MAPK10: variants seen among roughly 807,000 people sequenced by gnomAD.
MAPK10 encodes JNK3 alpha protein kinase.
In MAPK10, 25 loss-of-function variants were observed where a neutral mutation model predicts 59.3. The ratio of observed to expected loss-of-function variants is 0.42; its 90% CI spans 0.31 to 0.59. MAPK10 has a LOEUF of 0.59. MAPK10 is among the 20% of genes least tolerant of loss of function. MAPK10 has a pLI of 0.15. For missense variants in MAPK10, 351 were observed against 568.9 expected (o/e 0.62, Z 3.90); for synonymous variants, 190 against 200.5 (o/e 0.95, Z 0.44).
intron 1 of MAPK10, among the ~76,000 whole-genome samples, chr4:86,555,378 G>A (rs1334960574): frequency 2.0e-5 from 3 of 152,098 alleles, no homozygotes; most frequent in East Asian, 1.9e-4. Context: ...CCTAGGAGGC[G>A]GAGGTTGCAG....
chr4:86,396,838 C>T (rs1262428417), intron 1 of MAPK10, among the ~76,000 whole-genome samples: 1 of 152,070 alleles, frequency 6.6e-6, no homozygotes, highest in Non-Finnish European at 1.5e-5. Flanking sequence ...CCTACTAAGC[C>T]CACCGTCAAC....
At chr4:86,412,737 G>T (rs1043878063) in intron 1 of MAPK10, among the ~76,000 whole-genome samples, 1 of 152,104 alleles carries the variant, frequency 6.6e-6, no homozygotes, top group South Asian at 2.1e-4. Flanking sequence ...TCGTGCTGTG[G>T]TTTTCAACTC....
chr4:86,011,036 T>C lies in MAPK10; in HGVS notation c.*6192A>G, dbSNP rs1201235144. 6.6e-6 allele frequency: 1 copy of C among 152,270 alleles called. No individual in the cohort carries two copies. The highest frequency in any genetic ancestry group is 1.5e-5 in the Non-Finnish European group (1 of 68,044). The allele number at this position is 152,270 out of a possible 1,614,324, so 9.4% of individuals were successfully genotyped here. On this transcript the variant is annotated 3_prime_UTR_variant, in exon 14 of 14. Transcript: ENST00000641462. Reference sequence around the variant, plus strand: ...TGGATTTTACACCAGGATAGGAATGTCTTTAAAAGTAAGAAATATTTGACA... The same window carrying C: ...TGGATTTTACACCAGGATAGGAATGCCTTTAAAAGTAAGAAATATTTGACA...
At chr4:86,271,960 C>T (rs952484968) in intron 2 of MAPK10, among the ~76,000 whole-genome samples, 2 of 151,918 alleles carry the variant, frequency 1.3e-5, no homozygotes, top group African/African-American at 4.8e-5. Context: ...TACCCAACAG[C>T]TAATTTTTCA....
chr4:86,503,457 C>T (rs76254171), intron 1 of MAPK10, among the ~76,000 whole-genome samples: 1 of 152,132 alleles, frequency 6.6e-6, no homozygotes, highest in African/African-American at 2.4e-5. Context: ...CATAAAGTAC[C>T]ACACTGATGG....
chr4:86,360,070 G>C, upstream of MAPK10: 2 of 985,876 alleles, frequency 2.0e-6, no homozygotes, highest in Non-Finnish European at 2.4e-6. Context: ...TACCAGAGGA[G>C]ACGGACAGAG....
intron 1 of MAPK10, among the ~76,000 whole-genome samples, chr4:86,446,019 T>C (rs955373782): frequency 6.6e-6 from 1 of 152,192 alleles, no homozygotes; most frequent in African/African-American, 2.4e-5. Flanking sequence ...GATAACAGTT[T>C]GTTCAAAATA....
At chr4:86,547,257 G>T (rs1009392994) in intron 1 of MAPK10, among the ~76,000 whole-genome samples, 1 of 152,128 alleles carries the variant, frequency 6.6e-6, no homozygotes, top group Non-Finnish European at 1.5e-5. Flanking sequence ...TGCACTGTGG[G>T]ATCCCCTTTC....
intron 4 of MAPK10, among the ~76,000 whole-genome samples, chr4:86,134,843 C>G (rs1223415937): frequency 6.6e-6 from 1 of 152,164 alleles, no homozygotes; most frequent in African/African-American, 2.4e-5. Context: ...ATGCACGAGC[C>G]GAAGCAGGGC....
chr4:86,561,746 C>T (rs1472771862), intron 1 of MAPK10, among the ~76,000 whole-genome samples: 1 of 152,174 alleles, frequency 6.6e-6, no homozygotes, highest in African/African-American at 2.4e-5. Flanking sequence ...CATTATAAAA[C>T]ACTTTTCTAT....
chr4:86,206,090 A>C (rs1453120873), intron 2 of MAPK10, among the ~76,000 whole-genome samples: 1 of 151,870 alleles, frequency 6.6e-6, no homozygotes, highest in African/African-American at 2.4e-5. Context: ...ACATGTGCAC[A>C]ATGTGCAGGT....
chr4:86,126,836 T>C (rs914738610), intron 4 of MAPK10, among the ~76,000 whole-genome samples: 1 of 141,370 alleles, frequency 7.1e-6, no homozygotes. Context: ...TGGGAAGTTA[T>C]TTTTGTTTTC....
At chr4:86,028,375 G>C (rs958672241) in intron 13 of MAPK10, 1 of 151,746 alleles carries the variant, frequency 6.6e-6, no homozygotes, top group South Asian at 2.1e-4. Context: ...ATAGTGGTTT[G>C]GGGTGTAAAT....
At chr4:86,121,244 A>AAGATCAAGAAACAGCC (rs930024898) in intron 4 of MAPK10, among the ~76,000 whole-genome samples, 2 of 152,198 alleles carry the variant, frequency 1.3e-5, no homozygotes, top group African/African-American at 4.8e-5. Context: ...TGGGAAGTAC[A>AAGATCAAGAAACAGCC]AGATCAAGAA....
intron 1 of MAPK10, among the ~76,000 whole-genome samples, chr4:86,555,539 T>A (rs1007765464): frequency 6.6e-6 from 1 of 152,218 alleles, no homozygotes; most frequent in African/African-American, 2.4e-5. Context: ...ATTGGCTGAA[T>A]AACTTACTTT....
rs969999404 is a variant in MAPK10, at chr4:86,274,739, C to G, written c.-7+79791G>C. On this transcript the variant is annotated intron_variant, in intron 2 of 13. Transcript: ENST00000641462. ...ACAGAGGAAAACCTGTCTCCTCACA[C>G]ATTAATAATTTCTGTCCCTGTTACA... Among the ~76,000 whole-genome samples the G allele has an allele frequency of 3.3e-5, 5 of 152,104 alleles. No individual in the cohort carries two copies. In the South Asian group the frequency reaches 8.3e-4, roughly 25 times the overall value.
At chr4:86,133,438 A>G (rs1489544940) in intron 4 of MAPK10, among the ~76,000 whole-genome samples, 1 of 152,168 alleles carries the variant, frequency 6.6e-6, no homozygotes, top group Admixed American at 6.5e-5. Context: ...GATTTTTCTT[A>G]AAGAGGGAGC....
At chr4:86,441,734 AC>A (rs1431115733) in intron 1 of MAPK10, among the ~76,000 whole-genome samples, 1 of 151,908 alleles carries the variant, frequency 6.6e-6, no homozygotes, top group Non-Finnish European at 1.5e-5. Flanking sequence ...CAGAGCAGAA[AC>A]CCCATCCACA....
chr4:86,069,401 T>C (rs965612956), intron 9 of MAPK10, among the ~76,000 whole-genome samples: 1 of 152,062 alleles, frequency 6.6e-6, no homozygotes, highest in Non-Finnish European at 1.5e-5. Context: ...AAAGCAGTAG[T>C]AATAATTAAA....
Sources: allele counts gnomAD v4.1 joint callset (sites outside exome capture counted in the v4.1 genomes callset), GRCh38; gene constraint gnomAD v4.1.1; transcripts MANE v1.5; gene names NCBI Gene and HGNC (gene_info 2026-07-23, HGNC 2026-07-21).